The following SYNPO2 variants were observed in gnomAD, a reference collection of about 807,000 sequenced individuals.
SYNPO2 encodes the protein synaptopodin-2.
SYNPO2 carries 56 observed loss-of-function variants against 85.0 expected under a neutral mutation model. That is an observed-to-expected ratio of 0.66 (90% CI 0.53 to 0.82). The LOEUF is 0.82. Ranked by LOEUF, SYNPO2 falls within the 40% of genes least tolerant of loss-of-function variation. SYNPO2 has a pLI of 0.00. For missense variants in SYNPO2, 1,575 were observed against 1,534.2 expected, an observed-to-expected ratio of 1.03 and a Z score of -0.44; for synonymous variants, 602 against 591.1, an observed-to-expected ratio of 1.02 and a Z score of -0.27.
chr4:118,872,060 G>A (rs1233495381), intron 1 of SYNPO2, among the ~76,000 whole-genome samples: 1 of 152,118 alleles, frequency 6.6e-6, no homozygotes, highest in Non-Finnish European at 1.5e-5. Flanking sequence ...AAGAAATTTG[G>A]CTCTGATATA....
intron 1 of SYNPO2, among the ~76,000 whole-genome samples, chr4:118,924,931 A>C (rs1226807778): frequency 6.6e-6 from 1 of 152,160 alleles, no homozygotes; most frequent in Non-Finnish European, 1.5e-5. Flanking sequence ...GTTTATAGAA[A>C]ATTATTCTGC....
chr4:119,032,007 A>G lies in SYNPO2; in HGVS notation c.3232A>G (p.Lys1078Glu), dbSNP rs1738296328. 3 of 1,614,078 alleles carry G rather than the reference A, an allele frequency of 1.9e-6. No individual in the cohort carries two copies. Among genetic ancestry groups the G allele is most frequent in the Non-Finnish European group, 1.7e-6 (2 of 1,180,026 alleles). Residue 1078 changes from lysine to glutamate, a missense_variant, in exon 4 of 5, where the codon AAA becomes GAA. Physicochemically the swap from Lys to Glu is moderately conservative, Grantham distance 56. Transcript: ENST00000307142. Reference protein sequence around the residue: ...VAPRPKFSAKKSGVTIQESGR... With the variant: ...VAPRPKFSAKESGVTIQESGR... ...ACCAAGGCCAAAGTTCTCAGCCAAG[A>G]AAAGTGGTGTCACAATTCAGGTGTG...
At chr4:118,960,081 A>AGGGCT (rs556088523) in intron 1 of SYNPO2, among the ~76,000 whole-genome samples, 152 of 152,344 alleles carry the variant, frequency 1.0e-3, no homozygotes, top group African/African-American at 3.5e-3. Context: ...CAAGGGCACA[A>AGGGCT]GTCAAGGATT....
At chr4:118,918,828 G>GTAGCAA (rs923729737) in intron 1 of SYNPO2, among the ~76,000 whole-genome samples, 1 of 152,054 alleles carries the variant, frequency 6.6e-6, no homozygotes, top group Admixed American at 6.6e-5. Flanking sequence ...GTTATATTAG[G>GTAGCAA]TAGCAATAAT....
At chr4:119,047,496 T>C (rs1225432026) in intron 4 of SYNPO2, among the ~76,000 whole-genome samples, 2 of 152,224 alleles carry the variant, frequency 1.3e-5, no homozygotes, top group Non-Finnish European at 2.9e-5. Flanking sequence ...AGAAACTCTC[T>C]TCCATTTTCT....
chr4:118,986,670 C>A (rs763323929), intron 1 of SYNPO2, among the ~76,000 whole-genome samples: 15 of 152,198 alleles, frequency 9.9e-5, no homozygotes, highest in Non-Finnish European at 1.5e-4. Flanking sequence ...GTATTTTAAA[C>A]TAGTCCAAAC....
chr4:119,047,168 C>G (rs1275702572), intron 4 of SYNPO2, among the ~76,000 whole-genome samples: 1 of 152,176 alleles, frequency 6.6e-6, no homozygotes, highest in Non-Finnish European at 1.5e-5. Flanking sequence ...TCCAGCGATT[C>G]TCTTGCTTTA....
At chr4:119,054,421 A>T (rs572093442) in intron 4 of SYNPO2, among the ~76,000 whole-genome samples, 6 of 152,196 alleles carry the variant, frequency 3.9e-5, no homozygotes, top group Admixed American at 3.9e-4. Flanking sequence ...GTCCAGGAAG[A>T]ATGAGGTCAC....
At chr4:118,976,705 G>A (rs533309126) in intron 1 of SYNPO2, among the ~76,000 whole-genome samples, 11 of 152,092 alleles carry the variant, frequency 7.2e-5, no homozygotes, top group South Asian at 4.2e-4. Flanking sequence ...ACAGAGTGTC[G>A]ATTGGTGCAT....
At chr4:119,053,375 G>A (rs1008128161) in intron 4 of SYNPO2, among the ~76,000 whole-genome samples, 2 of 152,148 alleles carry the variant, frequency 1.3e-5, no homozygotes, top group Non-Finnish European at 2.9e-5. Flanking sequence ...AACCTAAAAT[G>A]GTTTATCATC....
At chr4:118,947,045 T>C (rs1013866333) in intron 1 of SYNPO2, among the ~76,000 whole-genome samples, 1 of 152,200 alleles carries the variant, frequency 6.6e-6, no homozygotes, top group African/African-American at 2.4e-5. Context: ...CAAATCCTCT[T>C]CCTAATCTGC....
intron 1 of SYNPO2, among the ~76,000 whole-genome samples, chr4:119,009,856 TC>T (rs372181700): frequency 3.9e-5 from 6 of 152,338 alleles, no homozygotes; most frequent in African/African-American, 1.4e-4. Context: ...TGTATAGAAA[TC>T]ACCTGGGGAT....
intron 1 of SYNPO2, among the ~76,000 whole-genome samples, chr4:119,004,390 C>T (rs1442013610): frequency 6.8e-6 from 1 of 146,550 alleles, no homozygotes; most frequent in Admixed American, 6.8e-5. Flanking sequence ...CCCCACCCCA[C>T]AACAGTCCCC....
In SYNPO2 at chr4:119,031,470, C is replaced by A; in HGVS notation, c.2695C>A (p.Arg899=). 6.2e-7 allele frequency: 1 copy of A among 1,614,066 alleles called. No homozygotes were observed. Among genetic ancestry groups the A allele is most frequent in the Non-Finnish European group, 8.5e-7 (1 of 1,180,014 alleles). ...DSDTVQAHAA[R]AQSPTPSLPA... ...AGACACGGTGCAGGCCCACGCTGCT[C>A]GAGCTCAGTCTCCCACTCCATCTCT... The change falls in exon 4 of 5, where the codon CGA becomes AGA. Residue 899 remains arginine (R), a synonymous_variant. Coordinates refer to ENST00000307142, the MANE Select transcript of SYNPO2 (RefSeq NM_133477.3).
At chr4:118,857,348 G>A (rs145497734) in intron 1 of SYNPO2, among the ~76,000 whole-genome samples, 1 of 152,216 alleles carries the variant, frequency 6.6e-6, no homozygotes, top group Non-Finnish European at 1.5e-5. Flanking sequence ...CATTCCCCGA[G>A]AAACTTCGTA....
chr4:118,981,525 T>C (rs1578611445), intron 1 of SYNPO2, among the ~76,000 whole-genome samples: 1 of 152,188 alleles, frequency 6.6e-6, no homozygotes. Context: ...CTTGGCCACA[T>C]GGAAGAGTTG....
At chr4:118,995,906 C>CT (rs1553944816) in intron 1 of SYNPO2, among the ~76,000 whole-genome samples, 1 of 145,002 alleles carries the variant, frequency 6.9e-6, no homozygotes, top group Non-Finnish European at 1.5e-5. Context: ...ATCTATCTAT[C>CT]ATCTATCTAA....
At position 119,050,079 on chromosome 4, in the gene SYNPO2, C is replaced by T. The variant is rs181217653; in HGVS notation, c.3253-7322C>T. On this transcript the variant is annotated intron_variant, in intron 4 of 4. Transcript: ENST00000307142. ...GGGTGCAGTGGCTCACACATGTAAT[C>T]CCAGCACTTTAGGAGGTTGAGGCAG... Among the ~76,000 whole-genome samples the T allele has an allele frequency of 6.6e-3, 1,006 of 152,146 alleles. 9 individuals carry two copies. Among genetic ancestry groups the T allele is most frequent in the Non-Finnish European group, 9.5e-3 (649 of 67,996 alleles).
chr4:118,990,924 G>C (rs1021328100), intron 1 of SYNPO2, among the ~76,000 whole-genome samples: 1 of 151,786 alleles, frequency 6.6e-6, no homozygotes, highest in Non-Finnish European at 1.5e-5. Context: ...CTGGATAATT[G>C]TAACCCTCAA....
Sources: gnomAD v4.1 joint callset for allele counts (sites outside exome capture counted in the v4.1 genomes callset) on GRCh38, gnomAD v4.1.1 for gene constraint, MANE v1.5 for transcripts, NCBI Gene and HGNC (gene_info 2026-07-23, HGNC 2026-07-21) for gene names.